The following PRKG1 variants were observed in gnomAD, a reference collection of about 807,000 sequenced individuals.
PRKG1 encodes cGMP-dependent protein kinase 1.
A neutral mutation model predicts 88.1 loss-of-function variants in PRKG1; 35 were observed. The observed-to-expected ratio is 0.40, with a 90% confidence interval of 0.30 to 0.53. PRKG1 has a LOEUF of 0.53. Among genes scored for constraint, PRKG1 ranks in the 20% least tolerant of loss-of-function variants. The probability of loss-of-function intolerance (pLI) is 0.59; values close to 1 mark genes in which losing one functional copy is unlikely to be tolerated. For missense variants in PRKG1, 540 were observed against 839.8 expected (o/e 0.64, Z 4.41); for synonymous variants, 303 against 292.5 (o/e 1.04, Z -0.37).
Position 51,205,127 on chromosome 10 carries a change from C to CTTTCTTTTTT in PRKG1, c.478+51800_478+51801insCTTTTTTTTT, listed in dbSNP as rs1433048297. ...TAAGGAAGAATTTTCATTTTCTTTT[C>CTTTCTTTTTT]TTTTTTTTTTTTTTTTTTTTTTTTT... On this transcript the variant is annotated intron_variant, in intron 2 of 17. Coordinates refer to ENST00000373980, the MANE Select transcript of PRKG1 (RefSeq NM_006258.4). Among the ~76,000 whole-genome samples, 245 of 64,024 alleles carry CTTTCTTTTTT rather than the reference C, an allele frequency of 3.8e-3. 36 individuals carry two copies. Among genetic ancestry groups the CTTTCTTTTTT allele is most frequent in the Admixed American group, 9.5e-3 (46 of 4,848 alleles). 42.0% of individuals were successfully genotyped at this position (64,024 alleles called of 152,430 possible).
rs1037179950 is a variant in PRKG1 at position 52,185,678 on chromosome 10, G to A, written c.1076+23715G>A. ...TCACTCCTGTGGCAGCTTCTGCCTC[G>A]GCACCCAGACTTTCTTATACATCCT... On this transcript the variant is annotated intron_variant, in intron 9 of 17. Coordinates refer to ENST00000373980, the MANE Select transcript of PRKG1 (RefSeq NM_006258.4). 3.9e-5 allele frequency among the ~76,000 whole-genome samples: 6 copies of A among 152,272 alleles called. No homozygotes were observed. In the South Asian group the frequency reaches 6.2e-4, roughly 16 times the overall value.
intron 5 of PRKG1, among the ~76,000 whole-genome samples, chr10:52,011,819 T>C (rs137961553): frequency 5.9e-5 from 9 of 152,286 alleles, no homozygotes; most frequent in Admixed American, 1.3e-4. Flanking sequence ...TGGGAGATGA[T>C]TGAATCATGG....
intron 2 of PRKG1, among the ~76,000 whole-genome samples, chr10:51,242,593 C>T (rs557329724): frequency 6.6e-6 from 1 of 152,082 alleles, no homozygotes; most frequent in Non-Finnish European, 1.5e-5. Flanking sequence ...CCTCAAGGCT[C>T]GCAGTCTAGG....
chr10:51,832,136 T>C (rs541467571), intron 4 of PRKG1, among the ~76,000 whole-genome samples: 1 of 152,320 alleles, frequency 6.6e-6, no homozygotes, highest in African/African-American at 2.4e-5. Flanking sequence ...AAAGTAGTGC[T>C]GATATTTCAG....
intron 4 of PRKG1, among the ~76,000 whole-genome samples, chr10:51,833,730 T>C (rs1193770223): frequency 1.3e-5 from 2 of 152,192 alleles, no homozygotes; most frequent in Non-Finnish European, 2.9e-5. Context: ...TTAGGTATTC[T>C]GTAACATATA....
intron 2 of PRKG1, among the ~76,000 whole-genome samples, chr10:51,261,502 C>A (rs1392645681): frequency 6.6e-6 from 1 of 151,860 alleles, no homozygotes; most frequent in Non-Finnish European, 1.5e-5. Flanking sequence ...ACTGTTGAAA[C>A]AAAGCTAACA....
rs1275698381 is a variant in PRKG1, at chr10:51,858,422, A to T, written c.699-49085A>T. Among the ~76,000 whole-genome samples the T allele has an allele frequency of 5.5e-5, 5 of 90,972 alleles. 1 individual carries two copies. Among genetic ancestry groups the T allele is most frequent in the Non-Finnish European group, 7.8e-5 (4 of 51,086 alleles). 59.7% of individuals were successfully genotyped at this position (90,972 alleles called of 152,430 possible). A position where few individuals can be genotyped will look rare whatever the true frequency, so the allele number is the denominator to read the frequency against. ...ATAATATATATAAAATATATATATA[A>T]TATATATATATAGTCTTAGTTATCA... On this transcript the variant is annotated intron_variant, in intron 4 of 17. Transcript: ENST00000373980.
chr10:51,616,857 G>A (rs1345947355), intron 3 of PRKG1, among the ~76,000 whole-genome samples: 1 of 152,096 alleles, frequency 6.6e-6, no homozygotes, highest in Non-Finnish European at 1.5e-5. Flanking sequence ...TGCTCCTCAG[G>A]ACCAAAAAGG....
chr10:52,162,180 A>G (rs1247240455), intron 9 of PRKG1, among the ~76,000 whole-genome samples: 1 of 152,162 alleles, frequency 6.6e-6, no homozygotes, highest in Non-Finnish European at 1.5e-5. Context: ...TGTGATGAAG[A>G]TAATCTCAGC....
intron 9 of PRKG1, among the ~76,000 whole-genome samples, chr10:52,178,086 A>G (rs1426884787): frequency 6.6e-6 from 1 of 151,446 alleles, no homozygotes; most frequent in Non-Finnish European, 1.5e-5. Context: ...ATGCATCATT[A>G]CATTGTTTAT....
rs1337470081 is a variant in PRKG1 at position 52,260,599 on chromosome 10, C to CAA, written c.1173+8934_1173+8935dup. Among the ~76,000 whole-genome samples, 3 of 152,034 alleles carry CAA rather than the reference C, an allele frequency of 2.0e-5. No individual in the cohort carries two copies. The East Asian group carries it at 5.8e-4, about 29-fold the overall frequency. On this transcript the variant is annotated intron_variant, in intron 10 of 17. Transcript: ENST00000373980. ...AATCTATGTGAGCTATTCATGTGCT[C>CAA]AATTTAAAATATGTAAACAAGTTTT... is the stretch of plus-strand genomic sequence containing the variant.
At chr10:51,960,233 G>A (rs1843414070) in intron 5 of PRKG1, among the ~76,000 whole-genome samples, 1 of 151,378 alleles carries the variant, frequency 6.6e-6, no homozygotes, top group East Asian at 2.0e-4. Context: ...TAGAACCTCT[G>A]AACTCATTTA....
chr10:51,511,185 C>T (rs1298039737), intron 3 of PRKG1, among the ~76,000 whole-genome samples: 3 of 152,054 alleles, frequency 2.0e-5, no homozygotes, highest in Admixed American at 1.3e-4. Context: ...ATAACATTTA[C>T]GACATTCACT....
intron 3 of PRKG1, among the ~76,000 whole-genome samples, chr10:51,533,906 C>T (rs1408564559): frequency 6.6e-6 from 1 of 152,100 alleles, no homozygotes; most frequent in East Asian, 1.9e-4. Flanking sequence ...TCTAGCTTAA[C>T]CGTGATATTT....
chr10:51,237,149 C>T (rs936456724), intron 2 of PRKG1, among the ~76,000 whole-genome samples: 2 of 152,208 alleles, frequency 1.3e-5, no homozygotes, highest in Non-Finnish European at 2.9e-5. Flanking sequence ...TTCTTATGGG[C>T]AAGTCATCCC....
At chr10:51,770,695 T>C (rs901588569) in intron 3 of PRKG1, among the ~76,000 whole-genome samples, 3 of 152,144 alleles carry the variant, frequency 2.0e-5, no homozygotes, top group Non-Finnish European at 4.4e-5. Flanking sequence ...GTGCACTCTT[T>C]AAGAGAGTTT....
At chr10:51,820,170 T>A (rs1839705303) in intron 4 of PRKG1, among the ~76,000 whole-genome samples, 2 of 152,194 alleles carry the variant, frequency 1.3e-5, no homozygotes, top group Admixed American at 6.5e-5. Flanking sequence ...ACAACTGTTA[T>A]ATGCAACTAT....
chr10:51,379,125 AAAT>A (rs1465020395), intron 2 of PRKG1, among the ~76,000 whole-genome samples: 1 of 152,204 alleles, frequency 6.6e-6, no homozygotes, highest in Non-Finnish European at 1.5e-5. Flanking sequence ...CTTATTTATT[AAAT>A]GGGGACATTA....
At chr10:52,275,724 G>C (rs979817187) in intron 12 of PRKG1, among the ~76,000 whole-genome samples, 1 of 151,986 alleles carries the variant, frequency 6.6e-6, no homozygotes, top group African/African-American at 2.4e-5. Flanking sequence ...AAGAATGATG[G>C]TGGTATTTTG....
Sources: allele counts gnomAD v4.1 joint callset (sites outside exome capture counted in the v4.1 genomes callset), GRCh38; gene constraint gnomAD v4.1.1; transcripts MANE v1.5; gene names NCBI Gene and HGNC (gene_info 2026-07-23, HGNC 2026-07-21).